Variants in MDFIC observed in about 807,000 individuals in gnomAD.
The protein encoded by MDFIC is MyoD family inhibitor domain containing.
MDFIC carries 17 observed loss-of-function variants against 23.2 expected under a neutral mutation model. The observed-to-expected ratio is 0.73, with a 90% CI of 0.50 to 1.10. MDFIC has a LOEUF of 1.10. MDFIC is among the 50% of genes least tolerant of loss of function. The pLI, the probability that MDFIC is intolerant of heterozygous loss-of-function variation, is 0.00. For missense variants in MDFIC, 356 were observed against 316.6 expected (o/e 1.12, Z -0.95); for synonymous variants, 120 against 115.2 (o/e 1.04, Z -0.27).
intron 4 of MDFIC, among the ~76,000 whole-genome samples, chr7:114,993,698 G>A (rs540599821): frequency 3.3e-5 from 5 of 152,026 alleles, no homozygotes; most frequent in Admixed American, 6.6e-5. Context: ...GTTTGATTGC[G>A]CTGTGGTCTG....
chr7:114,952,802 A>G (rs1365591370), intron 3 of MDFIC, among the ~76,000 whole-genome samples: 4 of 152,314 alleles, frequency 2.6e-5, no homozygotes, highest in Middle Eastern at 3.4e-3. Context: ...GCTGCCCATC[A>G]TTCCCTGTCT....
chr7:114,950,869 T>C (rs1563140308), intron 3 of MDFIC, among the ~76,000 whole-genome samples: 1 of 152,108 alleles, frequency 6.6e-6, no homozygotes, highest in Non-Finnish European at 1.5e-5. Context: ...AGATGCCTCA[T>C]TGAAACTTAA....
chr7:114,959,779 C>T (rs1214010667), intron 3 of MDFIC, among the ~76,000 whole-genome samples: 1 of 151,284 alleles, frequency 6.6e-6, no homozygotes, highest in Non-Finnish European at 1.5e-5. Context: ...ATGGAAGATA[C>T]ACCTGTGGTA....
chr7:115,015,312 T>C (rs1051259499), intron 4 of MDFIC, among the ~76,000 whole-genome samples: 7 of 152,230 alleles, frequency 4.6e-5, no homozygotes, highest in Admixed American at 2.0e-4. Flanking sequence ...AGGACTTTAA[T>C]AACTATAATG....
intron 4 of MDFIC, among the ~76,000 whole-genome samples, chr7:114,986,587 C>T (rs1478644693): frequency 3.3e-5 from 5 of 152,192 alleles, no homozygotes; most frequent in African/African-American, 7.2e-5. Context: ...AATTTTGCCT[C>T]CACTGTAATG....
Position 114,922,138 on chromosome 7 carries a change from G to T in MDFIC, c.-606G>T. 1 of 333,526 alleles carries T rather than the reference G, an allele frequency of 3.0e-6. No homozygotes were observed. Among genetic ancestry groups the T allele is most frequent in the Non-Finnish European group, 5.4e-6 (1 of 184,868 alleles). The allele number at this position is 333,526 out of a possible 1,614,324, so 20.7% of individuals were successfully genotyped here. ...CCCCGGGAGGGCGCAGCGCCCGGGTGGGGAGCCCGAGCCAGCCCAGGCCGG... is the reference window on the plus strand; with the variant it reads ...CCCCGGGAGGGCGCAGCGCCCGGGTTGGGAGCCCGAGCCAGCCCAGGCCGG... On this transcript the variant is annotated 5_prime_UTR_variant, in exon 1 of 5. Coordinates refer to ENST00000393486, the MANE Select transcript of MDFIC (RefSeq NM_001166345.3).
intron 2 of MDFIC, chr7:114,923,436 G>C: frequency 6.5e-7 from 1 of 1,536,690 alleles, no homozygotes. Context: ...CAATGTGTAG[G>C]TTCTGAAGCG....
At chr7:114,971,945 A>C (rs1793213296) in intron 3 of MDFIC, among the ~76,000 whole-genome samples, 1 of 152,206 alleles carries the variant, frequency 6.6e-6, no homozygotes, top group Admixed American at 6.5e-5. Context: ...ACAGAAAAAA[A>C]AAGTTAATAA....
intron 4 of MDFIC, among the ~76,000 whole-genome samples, chr7:114,996,738 A>T (rs1036087295): frequency 6.6e-6 from 1 of 152,172 alleles, no homozygotes; most frequent in Non-Finnish European, 1.5e-5. Context: ...AGCGATTATG[A>T]TTCATTTGGA....
chr7:114,935,467 AT>A (rs746220433), intron 2 of MDFIC, among the ~76,000 whole-genome samples: 223 of 152,190 alleles, frequency 1.5e-3, no homozygotes, highest in Non-Finnish European at 2.6e-3. Context: ...CATAATTTGT[AT>A]TAGTCTTTCT....
chr7:115,011,380 C>T (rs1266357698), intron 4 of MDFIC, among the ~76,000 whole-genome samples: 3 of 151,890 alleles, frequency 2.0e-5, no homozygotes, highest in Non-Finnish European at 4.4e-5. Flanking sequence ...TTGATGAAAA[C>T]GTCTCTACTT....
rs771984123 is a variant in MDFIC at position 115,015,696 on chromosome 7, G to A, written c.502G>A (p.Val168Ile). 1 of 1,613,992 alleles carries A rather than the reference G, an allele frequency of 6.2e-7. No homozygotes were observed. The highest frequency in any genetic ancestry group is 1.1e-5 in the South Asian group (1 of 91,066). The change falls in exon 5 of 5, where the codon GTC (valine) becomes ATC (isoleucine). Residue 168 changes from valine to isoleucine, a missense_variant. Val to Ile is a conservative substitution (Grantham distance 29). Coordinates refer to ENST00000393486, the MANE Select transcript of MDFIC (RefSeq NM_001166345.3). ...CATCACTGAAAATGAAGATTGTTGT[G>A]TCCACTGTATCCTGGCTTGCTTGTT... ...KTGSSPEDCC[V>I]HCILACLFCE...
rs537042324 is a variant in MDFIC, at chr7:115,016,185, C to T, written c.*250C>T. On this transcript the variant is annotated 3_prime_UTR_variant, in exon 5 of 5. Transcript: ENST00000393486. The stretch of plus-strand genomic sequence containing the variant: ...ACAATAACTTAGGGACATTTTGACA[C>T]CCCCCTTCCCAAATGTTAAATGCCT... 9 of 404,382 alleles carry T rather than the reference C, an allele frequency of 2.2e-5. No individual in the cohort carries two copies. The South Asian group carries it at 2.4e-4, about 11-fold the overall frequency. The allele number at this position is 404,382 out of a possible 1,614,324, so 25.0% of individuals were successfully genotyped here. A position where few individuals can be genotyped will look rare whatever the true frequency, so the allele number is the denominator to read the frequency against.
In MDFIC at chr7:114,923,010, G is replaced by T. The variant is rs373441061; in HGVS notation, c.-24G>T. 1.2e-4 allele frequency: 174 copies of T among 1,476,312 alleles called. 1 individual carries two copies. In the African/African-American group the frequency reaches 2.4e-3, roughly 20 times the overall value. 91.5% of individuals were successfully genotyped at this position (1,476,312 alleles called of 1,614,324 possible). On this transcript the variant is annotated 5_prime_UTR_variant, in exon 2 of 5. Coordinates refer to ENST00000393486, the MANE Select transcript of MDFIC (RefSeq NM_001166345.3). ...GCGGCGAGCTAGGCGGCAGCGGCGC[G>T]GCGCGGGCTCGGCGGAGCGGCCCAT...
chr7:115,012,702 G>T (rs944597566), intron 4 of MDFIC, among the ~76,000 whole-genome samples: 5 of 152,126 alleles, frequency 3.3e-5, no homozygotes, highest in Non-Finnish European at 5.9e-5. Flanking sequence ...ATGAGGCTGG[G>T]CACAATGGCT....
At chr7:114,960,363 T>C (rs1397134947) in intron 3 of MDFIC, among the ~76,000 whole-genome samples, 1 of 152,136 alleles carries the variant, frequency 6.6e-6, no homozygotes, top group Non-Finnish European at 1.5e-5. Context: ...GATCCAGAGA[T>C]GCTAAGCAGA....
At chr7:114,945,042 C>T (rs905434511) in intron 3 of MDFIC, among the ~76,000 whole-genome samples, 1 of 152,240 alleles carries the variant, frequency 6.6e-6, no homozygotes, top group African/African-American at 2.4e-5. Flanking sequence ...TTCCAAACTT[C>T]CATGGGGCAG....
At chr7:115,014,821 A>T (rs1791761932) in intron 4 of MDFIC, among the ~76,000 whole-genome samples, 1 of 152,204 alleles carries the variant, frequency 6.6e-6, no homozygotes, top group Non-Finnish European at 1.5e-5. Context: ...ACATTAGAAC[A>T]TTAGAATCTA....
At chr7:114,932,471 AACAG>A (rs1277118847) in intron 2 of MDFIC, among the ~76,000 whole-genome samples, 2 of 152,234 alleles carry the variant, frequency 1.3e-5, no homozygotes, top group African/African-American at 2.4e-5. Context: ...CAGTTATAGA[AACAG>A]ACAGGAAGAG....
Sources: gnomAD v4.1 joint callset for allele counts (sites outside exome capture counted in the v4.1 genomes callset) on GRCh38, gnomAD v4.1.1 for gene constraint, MANE v1.5 for transcripts, NCBI Gene and HGNC (gene_info 2026-07-23, HGNC 2026-07-21) for gene names.